DPH6: variants seen among roughly 807,000 people sequenced by gnomAD.
DPH6 encodes the protein diphthamine biosynthesis 6.
DPH6 carries 33 observed loss-of-function variants against 38.2 expected under a neutral mutation model. That is an observed-to-expected ratio of 0.86 (90% CI 0.65 to 1.15). The LOEUF is 1.15. Ranked by LOEUF, DPH6 falls within the 50% of genes most tolerant of loss-of-function variation. The pLI, the probability that DPH6 is intolerant of heterozygous loss-of-function variation, is 0.00. For missense variants in DPH6, 325 were observed against 320.0 expected (o/e 1.02, Z -0.12); for synonymous variants, 108 against 103.0 (o/e 1.05, Z -0.30).
intron 3 of DPH6, among the ~76,000 whole-genome samples, chr15:35,365,645 T>A (rs769683653): frequency 3.3e-5 from 5 of 152,066 alleles, no homozygotes; most frequent in Non-Finnish European, 5.9e-5. Flanking sequence ...AACTGATAAG[T>A]CTTACATAGA....
At chr15:35,365,338 T>G (rs1215718072) in intron 3 of DPH6, among the ~76,000 whole-genome samples, 1 of 152,152 alleles carries the variant, frequency 6.6e-6, no homozygotes, top group African/African-American at 2.4e-5. Flanking sequence ...ATTTTTTAAC[T>G]GTTCAGTTCA....
intron 3 of DPH6, among the ~76,000 whole-genome samples, chr15:35,504,504 C>A (rs577160387): frequency 1.3e-5 from 2 of 151,426 alleles, no homozygotes; most frequent in Admixed American, 1.3e-4. Context: ...AAAAAAAAAA[C>A]CTCTATCATA....
At chr15:35,206,005 C>T in the DPH6 span, among the ~76,000 whole-genome samples, 1 of 152,074 alleles carries the variant, frequency 6.6e-6, no homozygotes, top group African/African-American at 2.4e-5. Context: ...TCTTTAAACA[C>T]GTGCCAGACT....
chr15:35,233,790 G>A (rs1044158252), intron 3 of DPH6, among the ~76,000 whole-genome samples: 4 of 152,238 alleles, frequency 2.6e-5, no homozygotes, highest in African/African-American at 9.6e-5. Flanking sequence ...ATTCTCTAAT[G>A]TACTGAGTTT....
At chr15:35,238,529 G>C (rs2051573717) in intron 3 of DPH6, among the ~76,000 whole-genome samples, 1 of 152,172 alleles carries the variant, frequency 6.6e-6, no homozygotes, top group African/African-American at 2.4e-5. Flanking sequence ...TTAGTAATGA[G>C]ATTATTTTGG....
At chr15:35,352,717 T>G (rs1167150406) in intron 3 of DPH6, among the ~76,000 whole-genome samples, 1 of 152,218 alleles carries the variant, frequency 6.6e-6, no homozygotes, top group Non-Finnish European at 1.5e-5. Context: ...TCTTTGCTAT[T>G]GTGAATAGTG....
Position 35,377,322 on chromosome 15 carries a change from CCCAT to C in DPH6, c.663-3718_663-3715del, listed in dbSNP as rs534979462. On this transcript the variant is annotated intron_variant, in intron 7 of 8. Transcript: ENST00000256538. The stretch of plus-strand genomic sequence containing the variant: ...TTTTTCATTCTTATTCTTCCGTCCA[CCCAT>C]CCATCCATCCATCCATCCATCCATC... 4.0e-3 allele frequency among the ~76,000 whole-genome samples: 606 copies of C among 151,818 alleles called. 4 individuals are homozygous for C. Among genetic ancestry groups the C allele is most frequent in the African/African-American group, 0.013 (528 of 41,408 alleles).
chr15:35,158,689 T>C, the DPH6 span, among the ~76,000 whole-genome samples: 2 of 152,088 alleles, frequency 1.3e-5, no homozygotes, highest in Non-Finnish European at 2.9e-5. Context: ...TTTTTAGTTA[T>C]GGCATGACTA....
At chr15:35,156,058 C>T in the DPH6 span, among the ~76,000 whole-genome samples, 1 of 152,054 alleles carries the variant, frequency 6.6e-6, no homozygotes, top group South Asian at 2.1e-4. Context: ...TAAGGGAATC[C>T]TGAATATCTG....
intron 3 of DPH6, among the ~76,000 whole-genome samples, chr15:35,498,181 C>A (rs1467674999): frequency 6.6e-6 from 1 of 152,144 alleles, no homozygotes; most frequent in Non-Finnish European, 1.5e-5. Flanking sequence ...AATACTATCT[C>A]AAATGTTTCT....
At chr15:35,186,989 A>G in the DPH6 span, among the ~76,000 whole-genome samples, 5 of 152,358 alleles carry the variant, frequency 3.3e-5, no homozygotes, top group East Asian at 5.8e-4. Flanking sequence ...ATTCAGTTCA[A>G]TAAGTATTTC....
chr15:35,518,338 T>C (rs535119181), intron 3 of DPH6, among the ~76,000 whole-genome samples: 21 of 152,160 alleles, frequency 1.4e-4, no homozygotes, highest in African/African-American at 4.6e-4. Flanking sequence ...CACACCAGTC[T>C]TCTTCGTAGC....
At chr15:35,207,267 C>T in the DPH6 span, among the ~76,000 whole-genome samples, 22 of 151,504 alleles carry the variant, frequency 1.5e-4, no homozygotes, top group Admixed American at 3.3e-4. Context: ...GGGCTGGTCC[C>T]GAACTCCTGG....
At chr15:35,425,862 A>G (rs1453733725) in intron 5 of DPH6, among the ~76,000 whole-genome samples, 5 of 149,976 alleles carry the variant, frequency 3.3e-5, no homozygotes, top group Non-Finnish European at 6.0e-5. Flanking sequence ...TATCCATATA[A>G]CCAGCACCAA....
At chr15:35,488,600 A>G (rs1014049797) in intron 3 of DPH6, among the ~76,000 whole-genome samples, 2 of 148,934 alleles carry the variant, frequency 1.3e-5, no homozygotes, top group African/African-American at 5.1e-5. Flanking sequence ...CATGATCCAA[A>G]CACCTCCCAC....
rs371533654 is a variant in DPH6, at chr15:35,436,504, CA to C, written c.505+14180del. 1.2e-3 allele frequency among the ~76,000 whole-genome samples: 128 copies of C among 108,060 alleles called. 3 individuals are homozygous for C. The highest frequency in any genetic ancestry group is 3.2e-3 in the African/African-American group (74 of 22,930). The allele number at this position is 108,060 out of a possible 152,430, so 70.9% of individuals were successfully genotyped here. A position where few individuals can be genotyped will look rare whatever the true frequency, so the allele number is the denominator to read the frequency against. Reference sequence around the variant, plus strand: ...AAAAACAAAACAAAACAAAACAAAACAAAACAAAACAAAAAAGGTTCTCTCC... The same window carrying C: ...AAAAACAAAACAAAACAAAACAAAACAAACAAAACAAAAAAGGTTCTCTCC... On this transcript the variant is annotated intron_variant, in intron 5 of 8. Coordinates refer to ENST00000256538, the MANE Select transcript of DPH6 (RefSeq NM_080650.4).
chr15:35,405,239 T>C (rs1188699500), intron 6 of DPH6, among the ~76,000 whole-genome samples: 3 of 152,032 alleles, frequency 2.0e-5, no homozygotes, highest in Non-Finnish European at 2.9e-5. Context: ...TTTACTATTG[T>C]TGTGAAAAAT....
At chr15:35,511,345 T>C (rs1374696426) in intron 3 of DPH6, among the ~76,000 whole-genome samples, 2 of 152,140 alleles carry the variant, frequency 1.3e-5, no homozygotes, top group Admixed American at 6.6e-5. Flanking sequence ...AGCGTTTAAA[T>C]TGGATCTAGA....
At chr15:35,431,601 A>G (rs1469108441) in intron 5 of DPH6, among the ~76,000 whole-genome samples, 1 of 152,182 alleles carries the variant, frequency 6.6e-6, no homozygotes, top group Non-Finnish European at 1.5e-5. Context: ...TTCCTGGAAC[A>G]ACAATTTTGT....
Sources: gnomAD v4.1 joint callset for allele counts (sites outside exome capture counted in the v4.1 genomes callset) on GRCh38, gnomAD v4.1.1 for gene constraint, MANE v1.5 for transcripts, NCBI Gene and HGNC (gene_info 2026-07-23, HGNC 2026-07-21) for gene names.